ATG7: variants seen among roughly 807,000 people sequenced by gnomAD.
The protein encoded by ATG7 is autophagy related 7, also known as ubiquitin-like modifier-activating enzyme ATG7.
Under a neutral mutation model 82.4 loss-of-function variants are expected in ATG7, and 70 were observed. That is an observed-to-expected ratio of 0.85 (90% CI 0.70 to 1.04). The LOEUF (loss-of-function observed/expected upper bound fraction) is 1.04, where lower values mean the gene tolerates loss of function less well. Ranked by LOEUF, ATG7 falls within the 50% of genes least tolerant of loss-of-function variation. ATG7 has a pLI of 0.00. For synonymous variants in ATG7, 287 were observed against 313.0 expected (o/e 0.92, Z 0.88); for missense variants, 792 against 864.3 (o/e 0.92, Z 1.05).
intron 11 of ATG7, among the ~76,000 whole-genome samples, chr3:11,339,602 G>T (rs1953180577): frequency 6.6e-6 from 1 of 152,180 alleles, no homozygotes; most frequent in African/African-American, 2.4e-5. Flanking sequence ...ACAAGGCTGT[G>T]GTTCCACCAA....
At chr3:11,573,796 C>T in the ATG7 span, among the ~76,000 whole-genome samples, 3 of 152,302 alleles carry the variant, frequency 2.0e-5, 1 homozygote, top group Admixed American at 6.5e-5. Flanking sequence ...CCTGAAAAGA[C>T]ATTGAAGTCC....
intron 18 of ATG7, among the ~76,000 whole-genome samples, chr3:11,369,619 A>G (rs933470169): frequency 6.6e-6 from 1 of 151,168 alleles, no homozygotes; most frequent in Non-Finnish European, 1.5e-5. Context: ...TCTGAATACA[A>G]GGAAGGATCC....
intron 19 of ATG7, among the ~76,000 whole-genome samples, chr3:11,403,389 G>A (rs2080032304): frequency 6.6e-6 from 1 of 151,940 alleles, no homozygotes; most frequent in South Asian, 2.1e-4. Flanking sequence ...AGGAGAAGGA[G>A]ATTAAGAGGG....
intron 20 of ATG7, among the ~76,000 whole-genome samples, chr3:11,501,492 A>G (rs1304449607): frequency 6.6e-6 from 1 of 152,198 alleles, no homozygotes; most frequent in Non-Finnish European, 1.5e-5. Flanking sequence ...TCATTTTTGA[A>G]ACAGTTGAGG....
rs2152602123 is a variant in ATG7, at chr3:11,272,408, T to C, written c.-388T>C. On this transcript the variant is annotated 5_prime_UTR_variant, in exon 1 of 21. Coordinates refer to ENST00000693202, the MANE Select transcript of ATG7 (RefSeq NM_001349232.2). ...GGGGCGCGCGCCTCAGAGAGAGCTG[T>C]GGTTGCCGGAAGTTGAGCGGCGGTA... The C allele has an allele frequency of 6.6e-6, 1 of 152,576 alleles. No homozygotes were observed. The highest frequency in any genetic ancestry group is 1.9e-4 in the East Asian group (1 of 5,308). The allele number at this position is 152,576 out of a possible 1,614,324, so 9.5% of individuals were successfully genotyped here. A position where few individuals can be genotyped will look rare whatever the true frequency, so the allele number is the denominator to read the frequency against.
intron 13 of ATG7, among the ~76,000 whole-genome samples, chr3:11,344,140 A>T (rs188567373): frequency 5.9e-5 from 9 of 152,116 alleles, no homozygotes; most frequent in Non-Finnish European, 1.2e-4. Flanking sequence ...TGAATTTTGC[A>T]TATTTGTCTT....
chr3:11,558,613 G>T, downstream of ATG7: 1 of 1,607,378 alleles, frequency 6.2e-7, no homozygotes. Context: ...AGGGGCTGGC[G>T]GGCTGGCCCC....
intron 3 of ATG7, among the ~76,000 whole-genome samples, chr3:11,283,391 C>G (rs1943402106): frequency 6.6e-6 from 1 of 152,164 alleles, no homozygotes; most frequent in South Asian, 2.1e-4. Flanking sequence ...GTATGCCAGG[C>G]ACTGTAGCAA....
chr3:11,306,721 T>C (rs528127353), intron 5 of ATG7, among the ~76,000 whole-genome samples: 1 of 152,146 alleles, frequency 6.6e-6, no homozygotes, highest in Admixed American at 6.5e-5. Flanking sequence ...AGCATCCTGA[T>C]AGGTTAGAGT....
intron 20 of ATG7, among the ~76,000 whole-genome samples, chr3:11,459,173 TAAAAAA>T (rs10658469): frequency 1.4e-5 from 2 of 141,754 alleles, no homozygotes; most frequent in Non-Finnish European, 3.0e-5. Context: ...GGAGTCACTT[TAAAAAA>T]AAAAAAAAAA....
the ATG7 span, chr3:11,568,534 G>A: frequency 6.5e-7 from 1 of 1,544,570 alleles, no homozygotes; most frequent in African/African-American, 1.4e-5. This position sits in a 1 kb window ranked among gnomAD's most constrained non-coding sequence, Gnocchi z 5.9. Context: ...GTCAGACAAA[G>A]ACACTGAAAA....
At position 11,467,467 on chromosome 3, in the gene ATG7, C is replaced by A. The variant is rs528344630; in HGVS notation, c.2079+40541C>A. Among the ~76,000 whole-genome samples the A allele has an allele frequency of 1.3e-5, 2 of 152,174 alleles. 1 individual carries two copies. The highest frequency in any genetic ancestry group is 4.1e-4 in the South Asian group (2 of 4,828). On this transcript the variant is annotated intron_variant, in intron 20 of 20. Coordinates refer to ENST00000693202, the MANE Select transcript of ATG7 (RefSeq NM_001349232.2). ...TCTCGGCTTACTGCAACCTCCGCCC[C>A]CCAGCTTCAAGCGATTCTTCTGCCT... is the stretch of plus-strand genomic sequence containing the variant.
intron 20 of ATG7, among the ~76,000 whole-genome samples, chr3:11,533,539 TAAA>T (rs66794993): frequency 2.3e-4 from 29 of 126,642 alleles, no homozygotes; most frequent in Non-Finnish European, 3.3e-4. Context: ...CCCCTTCTGT[TAAA>T]AAAAAAAAAA....
At chr3:11,428,181 T>G (rs2082537541) in intron 20 of ATG7, among the ~76,000 whole-genome samples, 1 of 152,222 alleles carries the variant, frequency 6.6e-6, no homozygotes, top group South Asian at 2.1e-4. Flanking sequence ...GTCAAATGAT[T>G]GCATGGGTGC....
chr3:11,336,223 C>A (rs528864473), intron 11 of ATG7, among the ~76,000 whole-genome samples: 1 of 151,632 alleles, frequency 6.6e-6, no homozygotes, highest in African/African-American at 2.4e-5. Context: ...TTAGTAGAGA[C>A]GGGGTTTCAC....
At chr3:11,363,889 G>A (rs2076431213) in intron 17 of ATG7, among the ~76,000 whole-genome samples, 1 of 152,164 alleles carries the variant, frequency 6.6e-6, no homozygotes, top group South Asian at 2.1e-4. Flanking sequence ...TAACTAGTAT[G>A]GGTACTCTGA....
At chr3:11,434,941 A>G (rs1328276746) in intron 20 of ATG7, among the ~76,000 whole-genome samples, 1 of 152,216 alleles carries the variant, frequency 6.6e-6, no homozygotes, top group Non-Finnish European at 1.5e-5. Flanking sequence ...TGAATCCTTC[A>G]GTGTCCTGTG....
intron 2 of ATG7, among the ~76,000 whole-genome samples, chr3:11,281,426 C>T (rs1943010884): frequency 6.6e-6 from 1 of 152,178 alleles, no homozygotes; most frequent in Non-Finnish European, 1.5e-5. Context: ...TGGGCCTTTC[C>T]TGGGAGCAAA....
chr3:11,294,627 G>A (rs1945557587), intron 3 of ATG7, among the ~76,000 whole-genome samples: 1 of 152,176 alleles, frequency 6.6e-6, no homozygotes, highest in Admixed American at 6.5e-5. Flanking sequence ...TACATTTGAG[G>A]TGATTTTGAG....
Sources: allele counts gnomAD v4.1 joint callset (sites outside exome capture counted in the v4.1 genomes callset), GRCh38; gene constraint gnomAD v4.1.1; non-coding constraint Gnocchi (gnomAD v3.1); transcripts MANE v1.5; gene names NCBI Gene and HGNC (gene_info 2026-07-23, HGNC 2026-07-21).